The following SREK1IP1 variants were observed in gnomAD, a reference collection of about 807,000 sequenced individuals.
SREK1IP1 encodes protein SREK1IP1.
Under a neutral mutation model 22.8 loss-of-function variants are expected in SREK1IP1, and 12 were observed. The ratio of observed to expected loss-of-function variants is 0.53; its 90% confidence interval spans 0.34 to 0.85. The LOEUF is 0.85. SREK1IP1 is among the 40% of genes least tolerant of loss of function. The pLI is 0.02. For synonymous variants in SREK1IP1, 53 were observed against 52.7 expected (o/e 1.01, Z -0.02); for missense variants, 147 against 171.8 (o/e 0.86, Z 0.81).
intron 3 of SREK1IP1, among the ~76,000 whole-genome samples, chr5:64,729,058 G>A (rs547609667): frequency 3.9e-5 from 6 of 152,258 alleles, no homozygotes; most frequent in Non-Finnish European, 5.9e-5. Flanking sequence ...CAGGCGTGGC[G>A]GCAGGAGCCT....
At position 64,761,845 on chromosome 5, in the gene SREK1IP1, C is replaced by T. The variant is rs146953020; in HGVS notation, c.13+6660G>A. On this transcript the variant is annotated intron_variant, in intron 1 of 4. Coordinates refer to ENST00000513458, the MANE Select transcript of SREK1IP1 (RefSeq NM_173829.4). ...TTTGTGATCTGTGCTGTTTTTAAAA[C>T]ATGTAAATTATGTCTTAGCAGTTAG... Among the ~76,000 whole-genome samples, 552 of 152,026 alleles carry T rather than the reference C, an allele frequency of 3.6e-3. 4 individuals carry two copies. The highest frequency in any genetic ancestry group is 9.2e-3 in the African/African-American group (380 of 41,442).
rs1742195159 is a variant in SREK1IP1, at chr5:64,722,852, GCTCC to G, written c.*1528_*1531del. 1 of 152,166 alleles carries G rather than the reference GCTCC, an allele frequency of 6.6e-6. No homozygotes were observed. The allele number at this position is 152,166 out of a possible 1,614,324, so 9.4% of individuals were successfully genotyped here. A position where few individuals can be genotyped will look rare whatever the true frequency, so the allele number is the denominator to read the frequency against. Reference sequence around the variant, plus strand: ...AGCATATGTTAAGAGGAGTTATAAGGCTCCCTGAGTCTTACTGAGGGTATCCACA... The same window carrying G: ...AGCATATGTTAAGAGGAGTTATAAGGCTGAGTCTTACTGAGGGTATCCACA... On this transcript the variant is annotated 3_prime_UTR_variant, in exon 5 of 5. Coordinates refer to ENST00000513458, the MANE Select transcript of SREK1IP1 (RefSeq NM_173829.4).
chr5:64,737,551 C>T (rs1235879304), intron 3 of SREK1IP1, among the ~76,000 whole-genome samples: 1 of 125,594 alleles, frequency 8.0e-6, no homozygotes, highest in Non-Finnish European at 1.8e-5. Flanking sequence ...AAAAACACAA[C>T]CAAACATTAT....
intron 1 of SREK1IP1, among the ~76,000 whole-genome samples, chr5:64,757,052 C>A (rs1029448340): frequency 1.3e-5 from 2 of 152,062 alleles, no homozygotes; most frequent in African/African-American, 4.8e-5. Context: ...AAAACTATTT[C>A]TTTGGTGTTA....
Position 64,720,507 on chromosome 5 carries a change from A to T in SREK1IP1, c.*3877T>A, listed in dbSNP as rs925526654. 1 of 124,590 alleles carries T rather than the reference A, an allele frequency of 8.0e-6. No individual in the cohort carries two copies. The highest frequency in any genetic ancestry group is 3.6e-5 in the African/African-American group (1 of 28,040). 7.7% of individuals were successfully genotyped at this position (124,590 alleles called of 1,614,324 possible). A position where few individuals can be genotyped will look rare whatever the true frequency, so the allele number is the denominator to read the frequency against. ...CCTAATAAAAGTCATTTCCTTCCTTAAAATCTTTTTTTTTTTTTGAGATAG... is the reference window on the plus strand; with the variant it reads ...CCTAATAAAAGTCATTTCCTTCCTTTAAATCTTTTTTTTTTTTTGAGATAG... On this transcript the variant is annotated 3_prime_UTR_variant, in exon 5 of 5. Coordinates refer to ENST00000513458, the MANE Select transcript of SREK1IP1 (RefSeq NM_173829.4).
At chr5:64,751,751 A>G (rs866082279) in intron 2 of SREK1IP1, among the ~76,000 whole-genome samples, 14 of 152,234 alleles carry the variant, frequency 9.2e-5, no homozygotes, top group Non-Finnish European at 2.1e-4. Flanking sequence ...CTTTACAAGT[A>G]TCTTAACTTC....
intron 3 of SREK1IP1, among the ~76,000 whole-genome samples, chr5:64,740,253 G>A (rs1742530899): frequency 6.6e-6 from 1 of 151,858 alleles, no homozygotes; most frequent in Admixed American, 6.6e-5. Context: ...ACTAACAATA[G>A]ATCTCCTGGA....
At chr5:64,737,468 T>C (rs1326875537) in intron 3 of SREK1IP1, among the ~76,000 whole-genome samples, 1 of 145,444 alleles carries the variant, frequency 6.9e-6, no homozygotes, top group East Asian at 2.0e-4. Flanking sequence ...AATGATTTTA[T>C]TAAGAAAGAA....
At position 64,734,075 on chromosome 5, in the gene SREK1IP1, G is replaced by A. The variant is rs188586390; in HGVS notation, c.206-5896C>T. ...TGTATCAAAGACATTATCCTGCTTT[G>A]AAACTGTAGTTTTCGAAGATGTTAC... On this transcript the variant is annotated intron_variant, in intron 3 of 4. Transcript: ENST00000513458. 2.0e-3 allele frequency among the ~76,000 whole-genome samples: 306 copies of A among 152,188 alleles called. 2 individuals are homozygous for A. Among genetic ancestry groups the A allele is most frequent in the African/African-American group, 6.9e-3 (286 of 41,564 alleles).
chr5:64,739,670 G>A (rs1201420694), intron 3 of SREK1IP1, among the ~76,000 whole-genome samples: 3 of 151,910 alleles, frequency 2.0e-5, no homozygotes, highest in Non-Finnish European at 2.9e-5. Context: ...GTGAGTTTAC[G>A]TCTTTAAATT....
intron 2 of SREK1IP1, among the ~76,000 whole-genome samples, chr5:64,741,792 A>T (rs994352887): frequency 1.3e-5 from 2 of 151,498 alleles, no homozygotes; most frequent in African/African-American, 4.9e-5. Context: ...TTAGAAAGTC[A>T]AATATTACAA....
chr5:64,748,883 T>C (rs985372332), intron 2 of SREK1IP1, among the ~76,000 whole-genome samples: 25 of 152,110 alleles, frequency 1.6e-4, no homozygotes, highest in African/African-American at 5.1e-4. Context: ...AAACTGGAGA[T>C]CATGAAACCT....
intron 1 of SREK1IP1, among the ~76,000 whole-genome samples, chr5:64,758,767 CCA>C (rs763236840): frequency 3.8e-4 from 58 of 152,084 alleles, no homozygotes; most frequent in Admixed American, 8.5e-4. Flanking sequence ...CTCAAGTATC[CCA>C]CAGTTTTAGA....
chr5:64,728,576 TAC>T (rs912992171), intron 3 of SREK1IP1, among the ~76,000 whole-genome samples: 38 of 152,318 alleles, frequency 2.5e-4, no homozygotes, highest in African/African-American at 8.4e-4. Context: ...GTTTTTTAAA[TAC>T]ACTATTTGGT....
At chr5:64,755,219 CAA>C (rs138859399) in intron 1 of SREK1IP1, among the ~76,000 whole-genome samples, 14 of 142,882 alleles carry the variant, frequency 9.8e-5, no homozygotes, top group African/African-American at 3.3e-4. Context: ...GGTATATATC[CAA>C]AAAAAAAAAA....
At chr5:64,755,095 C>T (rs1042253770) in intron 1 of SREK1IP1, among the ~76,000 whole-genome samples, 1 of 151,812 alleles carries the variant, frequency 6.6e-6, no homozygotes, top group Non-Finnish European at 1.5e-5. Flanking sequence ...AATGGTAATG[C>T]TTATAGACTG....
At chr5:64,749,059 CATAATA>C (rs58434271) in intron 2 of SREK1IP1, among the ~76,000 whole-genome samples, 6,673 of 131,550 alleles carry the variant, frequency 0.051, 263 homozygotes, top group East Asian at 0.13. Context: ...AGCTATGCCA[CATAATA>C]ATAATAATAA....
chr5:64,730,056 G>A (rs141449388), intron 3 of SREK1IP1, among the ~76,000 whole-genome samples: 18 of 152,258 alleles, frequency 1.2e-4, no homozygotes, highest in African/African-American at 4.1e-4. Flanking sequence ...GTAAAGCCCA[G>A]GAAGATTATC....
chr5:64,762,488 A>G (rs903217146), intron 1 of SREK1IP1, among the ~76,000 whole-genome samples: 9 of 152,178 alleles, frequency 5.9e-5, no homozygotes, highest in African/African-American at 1.4e-4. Context: ...ATCTATTTAT[A>G]TAATATATAT....
Sources: gnomAD v4.1 joint callset for allele counts (sites outside exome capture counted in the v4.1 genomes callset) on GRCh38, gnomAD v4.1.1 for gene constraint, MANE v1.5 for transcripts, NCBI Gene and HGNC (gene_info 2026-07-23, HGNC 2026-07-21) for gene names.